The following SNTG1 variants were observed in gnomAD, a reference collection of about 807,000 sequenced individuals.
SNTG1 encodes the protein syntrophin gamma 1, also known as gamma-1-syntrophin.
In SNTG1, 39 loss-of-function variants were observed where a neutral mutation model predicts 74.7. That is an observed-to-expected ratio of 0.52 (90% CI 0.40 to 0.68). The LOEUF (loss-of-function observed/expected upper bound fraction) is 0.68. Among genes scored for constraint, SNTG1 ranks in the 30% least tolerant of loss-of-function variants. The pLI, the probability that SNTG1 is intolerant of heterozygous loss-of-function variation, is 0.00. For synonymous variants in SNTG1, 254 were observed against 217.1 expected (o/e 1.17, Z -1.49); for missense variants, 685 against 609.5 (o/e 1.12, Z -1.30).
chr8:50,052,677 G>T (rs1334739582), intron 1 of SNTG1, among the ~76,000 whole-genome samples: 2 of 152,054 alleles, frequency 1.3e-5, no homozygotes, highest in Non-Finnish European at 2.9e-5. Context: ...TTTCTAATAA[G>T]GGCCTAGTAT....
intron 5 of SNTG1, among the ~76,000 whole-genome samples, chr8:50,448,281 A>G (rs147797642): frequency 6.6e-6 from 1 of 152,168 alleles, no homozygotes; most frequent in Non-Finnish European, 1.5e-5. Flanking sequence ...TTTCTTCTTA[A>G]TATTCTGGAA....
chr8:50,467,949 CT>C (rs2093622418), intron 8 of SNTG1, among the ~76,000 whole-genome samples: 1 of 151,586 alleles, frequency 6.6e-6, no homozygotes, highest in Admixed American at 6.6e-5. Flanking sequence ...TTTGAGGTCT[CT>C]TTATTTTACT....
chr8:50,729,235 A>G lies in SNTG1; in HGVS notation c.1284+20257A>G, dbSNP rs528830059. ...CCAGGTGAATACATTACATACTACA[A>G]CTTTTTACATTGCCCTGCTGTACCT... On this transcript the variant is annotated intron_variant, in intron 17 of 18. Transcript: ENST00000642720. Among the ~76,000 whole-genome samples the G allele has an allele frequency of 2.1e-3, 320 of 152,232 alleles. 1 individual carries two copies. The highest frequency in any genetic ancestry group is 0.017 in the Middle Eastern group (5 of 294).
chr8:50,191,213 C>T (rs1175688315), intron 2 of SNTG1, among the ~76,000 whole-genome samples: 10 of 152,082 alleles, frequency 6.6e-5, no homozygotes, highest in Non-Finnish European at 1.3e-4. Flanking sequence ...GGATAAAATC[C>T]TCTCTGTCCT....
At chr8:50,621,532 C>A (rs2094923414) in intron 13 of SNTG1, among the ~76,000 whole-genome samples, 1 of 152,168 alleles carries the variant, frequency 6.6e-6, no homozygotes, top group South Asian at 2.1e-4. Flanking sequence ...CAATTGCTTT[C>A]TAGTTATTTT....
intron 1 of SNTG1, among the ~76,000 whole-genome samples, chr8:50,132,373 T>C (rs984214274): frequency 1.1e-4 from 16 of 152,284 alleles, no homozygotes; most frequent in African/African-American, 3.6e-4. Flanking sequence ...ATGGGTGAGA[T>C]TCAGGGTACA....
At chr8:50,475,237 A>AT (rs2093687840) in intron 8 of SNTG1, among the ~76,000 whole-genome samples, 3 of 151,472 alleles carry the variant, frequency 2.0e-5, no homozygotes, top group African/African-American at 7.3e-5. Flanking sequence ...TAATAATAAT[A>AT]ATAATAATAA....
chr8:50,564,103 C>CT (rs1464076431), intron 12 of SNTG1, among the ~76,000 whole-genome samples: 2 of 148,518 alleles, frequency 1.3e-5, no homozygotes, highest in African/African-American at 5.2e-5. Context: ...ATACAAGTGT[C>CT]ACATGTTGCA....
At chr8:50,212,748 G>T (rs2084582553) in intron 2 of SNTG1, among the ~76,000 whole-genome samples, 1 of 152,182 alleles carries the variant, frequency 6.6e-6, no homozygotes, top group African/African-American at 2.4e-5. Flanking sequence ...TGAAAGTGCT[G>T]TTGAATGGAA....
intron 1 of SNTG1, among the ~76,000 whole-genome samples, chr8:50,171,962 T>C (rs2082822576): frequency 6.6e-6 from 1 of 152,162 alleles, no homozygotes; most frequent in Admixed American, 6.6e-5. Flanking sequence ...GTTGAGTTCA[T>C]GAGGGGCCAA....
chr8:50,578,698 T>C (rs998604790), intron 12 of SNTG1, among the ~76,000 whole-genome samples: 1 of 152,170 alleles, frequency 6.6e-6, no homozygotes, highest in Admixed American at 6.5e-5. Flanking sequence ...AAGGGGCTTT[T>C]CCCCATTTGC....
At chr8:49,938,986 T>C (rs1808434372) in intron 1 of SNTG1, among the ~76,000 whole-genome samples, 1 of 152,014 alleles carries the variant, frequency 6.6e-6, no homozygotes, top group Admixed American at 6.6e-5. Flanking sequence ...GATGGATTCT[T>C]AGGTTATTTT....
intron 15 of SNTG1, among the ~76,000 whole-genome samples, chr8:50,697,214 C>G (rs1382006376): frequency 6.6e-6 from 1 of 151,808 alleles, no homozygotes; most frequent in Non-Finnish European, 1.5e-5. Flanking sequence ...AATAAGATTG[C>G]CCTCCTTTCA....
intron 5 of SNTG1, among the ~76,000 whole-genome samples, chr8:50,448,513 G>T (rs1396181989): frequency 1.3e-5 from 2 of 152,108 alleles, no homozygotes; most frequent in Non-Finnish European, 2.9e-5. Context: ...AATTCAGATT[G>T]TCTTTTCAAC....
chr8:50,035,352 C>T (rs573734437), intron 1 of SNTG1, among the ~76,000 whole-genome samples: 70 of 152,162 alleles, frequency 4.6e-4, no homozygotes, highest in Non-Finnish European at 8.8e-4. Flanking sequence ...TCCAACTTCT[C>T]ATGCCATGTC....
chr8:50,365,700 T>C (rs976433637), intron 2 of SNTG1, among the ~76,000 whole-genome samples: 1 of 152,172 alleles, frequency 6.6e-6, no homozygotes, highest in Non-Finnish European at 1.5e-5. Context: ...ATTTATTGTG[T>C]TCTTATTACA....
At chr8:50,314,455 A>T (rs1318580242) in intron 2 of SNTG1, among the ~76,000 whole-genome samples, 1 of 149,196 alleles carries the variant, frequency 6.7e-6, no homozygotes, top group Non-Finnish European at 1.5e-5. Context: ...TCCCTCTTTT[A>T]CTCTAGGCAT....
chr8:50,004,573 T>C (rs1471278897), intron 1 of SNTG1, among the ~76,000 whole-genome samples: 2 of 152,180 alleles, frequency 1.3e-5, no homozygotes, highest in African/African-American at 4.8e-5. Context: ...TAAGGCTGAC[T>C]CCATCTTCTC....
At chr8:50,379,139 C>G (rs1455717534) in intron 2 of SNTG1, among the ~76,000 whole-genome samples, 1 of 152,256 alleles carries the variant, frequency 6.6e-6, no homozygotes, top group East Asian at 1.9e-4. Context: ...AGTTGGTGCC[C>G]CAAGTCTGGA....
Sources: allele counts gnomAD v4.1 joint callset (sites outside exome capture counted in the v4.1 genomes callset), GRCh38; gene constraint gnomAD v4.1.1; transcripts MANE v1.5; gene names NCBI Gene and HGNC (gene_info 2026-07-23, HGNC 2026-07-21).